MYO1D: variants seen among roughly 807,000 people sequenced by gnomAD.
MYO1D encodes unconventional myosin-Id.
Under a neutral mutation model 122.0 loss-of-function variants are expected in MYO1D, and 83 were observed. That is an observed-to-expected ratio of 0.68 (90% CI 0.57 to 0.82). The LOEUF (loss-of-function observed/expected upper bound fraction) is 0.82, where lower values mean the gene tolerates loss of function less well. Among genes scored for constraint, MYO1D ranks in the 40% least tolerant of loss-of-function variants. MYO1D has a pLI of 0.00. For synonymous variants in MYO1D, 464 were observed against 446.9 expected (o/e 1.04, Z -0.48); for missense variants, 1,157 against 1,269.5 (o/e 0.91, Z 1.35).
chr17:32,762,326 G>A (rs1457803423), intron 8 of MYO1D, among the ~76,000 whole-genome samples: 1 of 152,088 alleles, frequency 6.6e-6, no homozygotes, highest in Non-Finnish European at 1.5e-5. Flanking sequence ...GAGGTGGGCT[G>A]GAGCCAGACC....
At chr17:32,833,793 G>A (rs1362288622) in intron 1 of MYO1D, among the ~76,000 whole-genome samples, 1 of 152,012 alleles carries the variant, frequency 6.6e-6, no homozygotes, top group Non-Finnish European at 1.5e-5. Context: ...CCCTCTGCCT[G>A]GAAGTCTCTC....
chr17:32,503,212 G>A (rs537558374), intron 21 of MYO1D, among the ~76,000 whole-genome samples: 1 of 152,346 alleles, frequency 6.6e-6, no homozygotes, highest in South Asian at 2.1e-4. Flanking sequence ...TGTCCAGAAG[G>A]TGAATCAGCC....
chr17:32,587,081 C>T (rs1198122168), intron 21 of MYO1D, among the ~76,000 whole-genome samples: 2 of 152,206 alleles, frequency 1.3e-5, no homozygotes, highest in Non-Finnish European at 2.9e-5. Context: ...CAGTGCTCCT[C>T]TCTCATTTTT....
chr17:32,544,043 T>C (rs1276192995), intron 21 of MYO1D, among the ~76,000 whole-genome samples: 1 of 152,050 alleles, frequency 6.6e-6, no homozygotes, highest in Non-Finnish European at 1.5e-5. Context: ...TCCACCCGCC[T>C]TGGCCTCCCA....
At chr17:32,495,741 G>A (rs898705020) in intron 21 of MYO1D, 1 of 152,372 alleles carries the variant, frequency 6.6e-6, no homozygotes, top group African/African-American at 2.4e-5. Flanking sequence ...TGCTCACACA[G>A]GCAGCACAAT....
chr17:32,856,586 C>A (rs1358101006), intron 1 of MYO1D, among the ~76,000 whole-genome samples: 1 of 151,758 alleles, frequency 6.6e-6, no homozygotes, highest in Non-Finnish European at 1.5e-5. Context: ...TTAATGGACA[C>A]CTCTTCATCC....
chr17:32,634,457 G>A (rs973120071), intron 20 of MYO1D, among the ~76,000 whole-genome samples: 12 of 152,182 alleles, frequency 7.9e-5, no homozygotes, highest in African/African-American at 2.4e-4. Flanking sequence ...TGGCTGGTGT[G>A]CCCATTAAAG....
intron 1 of MYO1D, among the ~76,000 whole-genome samples, chr17:32,782,677 T>C (rs758791776): frequency 7.9e-5 from 12 of 152,342 alleles, no homozygotes; most frequent in South Asian, 6.2e-4. Flanking sequence ...GGCTCTTGCC[T>C]ATAATCCCAG....
At chr17:32,635,551 G>C (rs892209238) in intron 20 of MYO1D, among the ~76,000 whole-genome samples, 10 of 152,114 alleles carry the variant, frequency 6.6e-5, no homozygotes, top group Non-Finnish European at 1.3e-4. Context: ...AAATTAGCTG[G>C]GCACGGTGGC....
At chr17:32,714,093 A>G (rs760711364) in intron 15 of MYO1D, among the ~76,000 whole-genome samples, 2 of 149,658 alleles carry the variant, frequency 1.3e-5, no homozygotes, top group Non-Finnish European at 3.0e-5. Flanking sequence ...TCTGAGGTAC[A>G]TGTGTAGGAT....
chr17:32,634,842 C>T (rs1268837352), intron 20 of MYO1D, among the ~76,000 whole-genome samples: 2 of 152,142 alleles, frequency 1.3e-5, no homozygotes, highest in South Asian at 2.1e-4. Context: ...CTCTTCTGCT[C>T]CTTTCTGCTG....
chr17:32,643,181 C>T (rs1567925431), intron 19 of MYO1D, among the ~76,000 whole-genome samples: 1 of 151,100 alleles, frequency 6.6e-6, no homozygotes, highest in Non-Finnish European at 1.5e-5. Context: ...TTGAGATAAT[C>T]ATGTGTTTTT....
chr17:32,607,968 C>T (rs1397482435), intron 20 of MYO1D, among the ~76,000 whole-genome samples: 3 of 152,168 alleles, frequency 2.0e-5, no homozygotes, highest in African/African-American at 7.2e-5. Context: ...ACCTAAATCT[C>T]ACATCTCGTA....
At chr17:32,874,304 C>CTCTCTCTCTCTCTGTGTCTTTG (rs6146033) in intron 1 of MYO1D, among the ~76,000 whole-genome samples, 1 of 149,166 alleles carries the variant, frequency 6.7e-6, no homozygotes, top group Non-Finnish European at 1.5e-5. Context: ...GTCTCTGTCT[C>CTCTCTCTCTCTCTGTGTCTTTG]TCTCTCTCTC....
At chr17:32,802,373 AAC>A in intron 1 of MYO1D, among the ~76,000 whole-genome samples, 1 of 152,214 alleles carries the variant, frequency 6.6e-6, no homozygotes, top group Admixed American at 6.5e-5. Flanking sequence ...ATGCATTAAA[AAC>A]ATTTTTTCTA....
chr17:32,640,437 C>T (rs2088180003), intron 19 of MYO1D, among the ~76,000 whole-genome samples: 1 of 148,598 alleles, frequency 6.7e-6, no homozygotes, highest in Non-Finnish European at 1.5e-5. Context: ...AACTCGTCAT[C>T]TAGCATTAGG....
chr17:32,572,502 T>C (rs910553076), intron 21 of MYO1D, among the ~76,000 whole-genome samples: 1 of 152,182 alleles, frequency 6.6e-6, no homozygotes, highest in Non-Finnish European at 1.5e-5. Context: ...AGCCACTGTC[T>C]TCTAATTTTA....
intron 1 of MYO1D, among the ~76,000 whole-genome samples, chr17:32,828,328 A>C (rs1598135150): frequency 6.6e-6 from 1 of 152,050 alleles, no homozygotes; most frequent in East Asian, 1.9e-4. Context: ...CATCCTGGCT[A>C]ACACGGTGAA....
At chr17:32,539,967 A>G (rs946951199) in intron 21 of MYO1D, among the ~76,000 whole-genome samples, 2 of 152,222 alleles carry the variant, frequency 1.3e-5, no homozygotes, top group African/African-American at 4.8e-5. Context: ...TCTCTAAACC[A>G]AAAGCACAAG....
Sources: gnomAD v4.1 joint callset for allele counts (sites outside exome capture counted in the v4.1 genomes callset) on GRCh38, gnomAD v4.1.1 for gene constraint, MANE v1.5 for transcripts, NCBI Gene and HGNC (gene_info 2026-07-23, HGNC 2026-07-21) for gene names.